The following PLXNB1 variants were observed in gnomAD, a reference collection of about 807,000 sequenced individuals.
The protein encoded by PLXNB1 is plexin-B1.
A neutral mutation model predicts 209.4 loss-of-function variants in PLXNB1; 106 were observed. The ratio of observed to expected loss-of-function variants is 0.51; its 90% CI spans 0.43 to 0.59. PLXNB1 has a LOEUF of 0.59. PLXNB1 is among the 20% of genes least tolerant of loss of function. The probability of loss-of-function intolerance (pLI) is 0.00; values close to 1 mark genes in which losing one functional copy is unlikely to be tolerated. For missense variants in PLXNB1, 2,357 were observed against 2,853.2 expected, an observed-to-expected ratio of 0.83 and a Z score of 3.96; for synonymous variants, 1,167 against 1,183.2, an observed-to-expected ratio of 0.99 and a Z score of 0.28.
Position 48,410,520 on chromosome 3 carries a change from C to T in PLXNB1, c.5455G>A (p.Asp1819Asn). Residue 1819 changes from aspartate to asparagine, a missense_variant, in exon 30 of 38, where the codon GAC becomes AAC. Around this residue, in one of 7 missense-constraint regions of PLXNB1, gnomAD observed 414 missense variants for 520.5 expected, o/e 0.80. Transcript: ENST00000296440. The surrounding 1 kb of genome is among the most constrained non-coding windows in gnomAD (Gnocchi z 6.4). ...SGVAGHLILS[D>N]EDVTSEVQGL... ...TGGACCTCAGAAGTGACATCCTCGT[C>T]AGAAAGAATGAGGTGCCCGGCCACC... is the stretch of plus-strand genomic sequence containing the variant. 1 of 1,613,900 alleles carries T rather than the reference C, an allele frequency of 6.2e-7. No individual in the cohort carries two copies. The highest frequency in any genetic ancestry group is 8.5e-7 in the Non-Finnish European group (1 of 1,180,012).
Position 48,419,172 on chromosome 3 carries a change from C to A in PLXNB1, c.2832+72G>T. The A allele has an allele frequency of 6.4e-7, 1 of 1,553,124 alleles. No individual in the cohort carries two copies. The highest frequency in any genetic ancestry group is 1.2e-5 in the South Asian group (1 of 81,856). On this transcript the variant is annotated intron_variant, in intron 12 of 37. Transcript: ENST00000296440. The surrounding 1 kb of genome is among the most constrained non-coding windows in gnomAD (Gnocchi z 5.7). ...CCTCGGACTCTGCCCTCCTCCTGCT[C>A]CCCAGGGCTTGTGCAGAGTTTCTCA...
At position 48,418,397 on chromosome 3, in the gene PLXNB1, C is replaced by A. The variant is rs536511625; in HGVS notation, c.3050-34G>T. On this transcript the variant is annotated intron_variant, in intron 14 of 37. Coordinates refer to ENST00000296440, the MANE Select transcript of PLXNB1 (RefSeq NM_001130082.3). This position sits in a 1 kb window ranked among gnomAD's most constrained non-coding sequence, Gnocchi z 6.6. Reference sequence around the variant, plus strand: ...GGCAGAGACACACGTGAGAGGCAGGCCTGGGAGAGCCCTGCTACCACCGCC... The same window carrying A: ...GGCAGAGACACACGTGAGAGGCAGGACTGGGAGAGCCCTGCTACCACCGCC... The A allele has an allele frequency of 5.6e-6, 9 of 1,613,094 alleles. No homozygotes were observed. The South Asian group carries it at 8.8e-5, about 16-fold the overall frequency.
Position 48,406,501 on chromosome 3 carries a change from G to T in PLXNB1, c.6228+322C>A. ...TGAAGGGGACACCTGTGCCACCAAG[G>T]GAAGCACAGCAGTGGGAAGACGCAT... On this transcript the variant is annotated intron_variant, in intron 36 of 37. Transcript: ENST00000296440. The surrounding 1 kb of genome is among the most constrained non-coding windows in gnomAD (Gnocchi z 4.4). The T allele has an allele frequency of 1.1e-6, 1 of 877,664 alleles. No homozygotes were observed. The highest frequency in any genetic ancestry group is 1.4e-6 in the Non-Finnish European group (1 of 731,644). 54.4% of individuals were successfully genotyped at this position (877,664 alleles called of 1,614,324 possible).
Position 48,419,301 on chromosome 3 carries a change from C to A in PLXNB1, c.2775G>T (p.Met925Ile), listed in dbSNP as rs1288384739. 2 of 1,599,226 alleles carry A rather than the reference C, an allele frequency of 1.3e-6. No individual in the cohort carries two copies. Among genetic ancestry groups the A allele is most frequent in the Non-Finnish European group, 8.5e-7 (1 of 1,170,660 alleles). The change falls in exon 12 of 38, where the codon ATG becomes ATT. Residue 925 changes from methionine (M) to isoleucine (I), a missense_variant. Coordinates refer to ENST00000296440, the MANE Select transcript of PLXNB1 (RefSeq NM_001130082.3). The surrounding 1 kb of genome is among the most constrained non-coding windows in gnomAD (Gnocchi z 5.7). ...CVESVQGSTL[M>I]PVHVEREIRL... is the part of the protein sequence containing the mutation. ...GGATTTCCCGCTCCACATGGACCGG[C>A]ATCAACGTGGAGCCCTGAACGCTCT... is the stretch of plus-strand genomic sequence containing the variant.
chr3:48,419,824 G>A lies in PLXNB1; in HGVS notation c.2462C>T (p.Ala821Val), dbSNP rs945845762. ...HPTVPLDLPP[A>V]TVPATTFPGA... ...TGGGAAAGTGGTGGCAGGAACAGTG[G>A]CAGGGGGCAGGTCCAGGGGCACTGT... Residue 821 changes from alanine to valine, a missense_variant, in exon 11 of 38, where the codon GCC (alanine) becomes GTC (valine). Ala to Val is a moderately conservative substitution (Grantham distance 64). Around this residue, in one of 7 missense-constraint regions of PLXNB1, gnomAD observed 410 missense variants for 401.0 expected, o/e 1.02. Transcript: ENST00000296440. This position sits in a 1 kb window ranked among gnomAD's most constrained non-coding sequence, Gnocchi z 5.7. The A allele has an allele frequency of 5.1e-6, 8 of 1,582,020 alleles. No homozygotes were observed. Among genetic ancestry groups the A allele is most frequent in the African/African-American group, 4.0e-5 (3 of 74,546 alleles).
chr3:48,421,875 C>T (rs1288543622), intron 6 of PLXNB1, 69 bp from the exon 7 acceptor site: 28 of 1,546,876 alleles, frequency 1.8e-5, no homozygotes, highest in Non-Finnish European at 2.4e-5. Context: ...GTAGGGACTC[C>T]TACAATCTGG....
chr3:48,427,800 C>A (rs1161863150), intron 1 of PLXNB1, among the ~76,000 whole-genome samples: 4 of 152,238 alleles, frequency 2.6e-5, no homozygotes, highest in African/African-American at 9.6e-5. Context: ...CCTGTCCTCC[C>A]AGGCTCCTGA....
intron 6 of PLXNB1, 61 bp from the exon 7 acceptor site, chr3:48,421,867 A>G: frequency 6.4e-7 from 1 of 1,557,384 alleles, no homozygotes; most frequent in Non-Finnish European, 8.7e-7. Context: ...TTCATAGGGT[A>G]GGGACTCCTA....
rs904289755 is a variant in PLXNB1, at chr3:48,413,617, T to C, written c.4535+53A>G. 9.1e-6 allele frequency: 14 copies of C among 1,546,136 alleles called. No homozygotes were observed. The Admixed American group carries it at 1.7e-4, about 19-fold the overall frequency. ...CCTGGCCCGGTCTGTCCCTTCCCAG[T>C]CCAGCCAGATCCCACGACCTGCCCC... is the stretch of plus-strand genomic sequence containing the variant. On this transcript the variant is annotated intron_variant, in intron 23 of 37. Transcript: ENST00000296440. The surrounding 1 kb of genome is among the most constrained non-coding windows in gnomAD (Gnocchi z 5.4).
Position 48,415,454 on chromosome 3 carries a change from C to T in PLXNB1, c.3795-107G>A, listed in dbSNP as rs917800736. 1.8e-5 allele frequency: 25 copies of T among 1,424,678 alleles called. No individual in the cohort carries two copies. Among genetic ancestry groups the T allele is most frequent in the East Asian group, 7.5e-5 (3 of 40,148 alleles). The allele number at this position is 1,424,678 out of a possible 1,614,324, so 88.3% of individuals were successfully genotyped here. ...AGCTCAGCCCCAGCCCCAAACCACACGACCCCTTGCCCCTACTAGCAGCAT... is the reference window on the plus strand; with the variant it reads ...AGCTCAGCCCCAGCCCCAAACCACATGACCCCTTGCCCCTACTAGCAGCAT... On this transcript the variant is annotated intron_variant, in intron 19 of 37. Coordinates refer to ENST00000296440, the MANE Select transcript of PLXNB1 (RefSeq NM_001130082.3). The surrounding 1 kb of genome is among the most constrained non-coding windows in gnomAD (Gnocchi z 5.0).
chr3:48,406,752 C>T lies in PLXNB1; in HGVS notation c.6228+71G>A. ...TCCCAAGGGCTTCCCTGCAAAGGGG[C>T]AGTGTGAAGGGGGAAGGACCGTTGT... On this transcript the variant is annotated intron_variant, in intron 36 of 37. Coordinates refer to ENST00000296440, the MANE Select transcript of PLXNB1 (RefSeq NM_001130082.3). This position sits in a 1 kb window ranked among gnomAD's most constrained non-coding sequence, Gnocchi z 4.4. 1 of 1,524,502 alleles carries T rather than the reference C, an allele frequency of 6.6e-7. No homozygotes were observed. Among genetic ancestry groups the T allele is most frequent in the Non-Finnish European group, 8.8e-7 (1 of 1,130,654 alleles). 94.4% of individuals were successfully genotyped at this position (1,524,502 alleles called of 1,614,324 possible). A position where few individuals can be genotyped will look rare whatever the true frequency, so the allele number is the denominator to read the frequency against.
At chr3:48,412,172 G>C in intron 27 of PLXNB1, 66 bp downstream of exon 27, 10 of 1,554,500 alleles carry the variant, frequency 6.4e-6, no homozygotes, top group Non-Finnish European at 8.9e-6. Context: ...TGGTGGCTGA[G>C]GGCTTAGAAG....
In PLXNB1 at chr3:48,422,455, T is replaced by G. The variant is rs1331234843; in HGVS notation, c.1295A>C (p.Tyr432Ser). The G allele has an allele frequency of 1.3e-6, 2 of 1,585,818 alleles. No individual in the cohort carries two copies. Among genetic ancestry groups the G allele is most frequent in the East Asian group, 2.3e-5 (1 of 43,804 alleles). ...GDSQGQLHRVYLGPGSDGHPY... is the reference protein window; with the variant it reads ...GDSQGQLHRVSLGPGSDGHPY... The stretch of plus-strand genomic sequence containing the variant: ...GTGGCCATCGCTCCCTGGGCCCAAG[T>G]AGACCTGGGATCAGAGACCACAGGG... Residue 432 changes from tyrosine to serine, a missense_variant, in exon 5 of 38, where the codon TAC (tyrosine) becomes TCC (serine). Physicochemically the swap from Tyr to Ser is moderately radical, Grantham distance 144. Coordinates refer to ENST00000296440, the MANE Select transcript of PLXNB1 (RefSeq NM_001130082.3).
chr3:48,406,644 TG>T lies in PLXNB1; in HGVS notation c.6228+178del. 7.0e-7 allele frequency: 1 copy of T among 1,420,590 alleles called. No homozygotes were observed. Among genetic ancestry groups the T allele is most frequent in the Non-Finnish European group, 9.2e-7 (1 of 1,089,840 alleles). The allele number at this position is 1,420,590 out of a possible 1,614,324, so 88.0% of individuals were successfully genotyped here. ...CCCTGCTTGCTCTGTGATGAGATGG[TG>T]GGAGCCCTGGTCTTTCAGTGGCAGT... On this transcript the variant is annotated intron_variant, in intron 36 of 37. Transcript: ENST00000296440. The surrounding 1 kb of genome is among the most constrained non-coding windows in gnomAD (Gnocchi z 4.4).
At chr3:48,427,685 T>A (rs1438387207) in intron 1 of PLXNB1, among the ~76,000 whole-genome samples, 1 of 152,094 alleles carries the variant, frequency 6.6e-6, no homozygotes, top group African/African-American at 2.4e-5. Flanking sequence ...GCAGGCTGCT[T>A]GGCTCCTCCA....
intron 1 of PLXNB1, among the ~76,000 whole-genome samples, chr3:48,426,618 G>A (rs550678981): frequency 3.9e-5 from 6 of 152,332 alleles, no homozygotes; most frequent in Admixed American, 1.3e-4. Context: ...GGTGGAAGCC[G>A]GGACACTGTG....
chr3:48,413,697 C>A lies in PLXNB1; in HGVS notation c.4508G>T (p.Gly1503Val). 1 of 1,613,536 alleles carries A rather than the reference C, an allele frequency of 6.2e-7. No individual in the cohort carries two copies. Among genetic ancestry groups the A allele is most frequent in the East Asian group, 2.2e-5 (1 of 44,882 alleles). Residue 1503 changes from glycine to valine, a missense_variant, in exon 23 of 38, where the codon GGT becomes GTT. This residue lies in a region of PLXNB1 where 743 missense variants were observed against 896.2 expected (regional missense o/e 0.83). Coordinates refer to ENST00000296440, the MANE Select transcript of PLXNB1 (RefSeq NM_001130082.3). The surrounding 1 kb of genome is among the most constrained non-coding windows in gnomAD (Gnocchi z 5.4). ...LGVGTSLLALGVIIIVLMYRR... is the reference protein window; with the variant it reads ...LGVGTSLLALVVIIIVLMYRR... ...GTACATGAGGACAATGATGATGACA[C>A]CCAGAGCCAGAAGAGAGGTGCCCAC... is the stretch of plus-strand genomic sequence containing the variant.
At position 48,415,436 on chromosome 3, in the gene PLXNB1, C is replaced by G; in HGVS notation, c.3795-89G>C. The G allele has an allele frequency of 6.8e-7, 1 of 1,468,590 alleles. No homozygotes were observed. The highest frequency in any genetic ancestry group is 9.3e-7 in the Non-Finnish European group (1 of 1,078,172). The allele number at this position is 1,468,590 out of a possible 1,614,324, so 91.0% of individuals were successfully genotyped here. A position where few individuals can be genotyped will look rare whatever the true frequency, so the allele number is the denominator to read the frequency against. ...CCCAGTCCCGGCTAGGTCAGCTCAG[C>G]CCCAGCCCCAAACCACACGACCCCT... On this transcript the variant is annotated intron_variant, in intron 19 of 37. Transcript: ENST00000296440. This position sits in a 1 kb window ranked among gnomAD's most constrained non-coding sequence, Gnocchi z 5.0.
Position 48,417,897 on chromosome 3 carries a change from T to C in PLXNB1, c.3374+14A>G, listed in dbSNP as rs779527380. The C allele has an allele frequency of 6.2e-7, 1 of 1,602,224 alleles. No homozygotes were observed. Among genetic ancestry groups the C allele is most frequent in the Non-Finnish European group, 8.5e-7 (1 of 1,172,608 alleles). On this transcript the variant is annotated intron_variant, in intron 16 of 37. Coordinates refer to ENST00000296440, the MANE Select transcript of PLXNB1 (RefSeq NM_001130082.3). The surrounding 1 kb of genome is among the most constrained non-coding windows in gnomAD (Gnocchi z 4.4). ...CAGGCTGCGCCGTGCTCCTGCTGGG[T>C]GCAGCCAGCTTACCTGCTGGAGACC...
Sources: gnomAD v4.1 joint callset for allele counts (sites outside exome capture counted in the v4.1 genomes callset) on GRCh38, gnomAD v4.1.1 for gene constraint, gnomAD v4.1.1 regional missense constraint, Gnocchi (gnomAD v3.1) non-coding constraint, MANE v1.5 for transcripts, NCBI Gene and HGNC (gene_info 2026-07-23, HGNC 2026-07-21) for gene names.